Variants in AMPD3 observed in about 807,000 individuals in gnomAD.
The protein encoded by AMPD3 is AMP deaminase 3.
In AMPD3, 57 loss-of-function variants were observed where a neutral mutation model predicts 82.3. The observed-to-expected ratio is 0.69, with a 90% CI of 0.56 to 0.86. The LOEUF is 0.86. Among genes scored for constraint, AMPD3 ranks in the 40% least tolerant of loss-of-function variants. The probability of loss-of-function intolerance (pLI) is 0.00; values close to 1 mark genes in which losing one functional copy is unlikely to be tolerated. For synonymous variants in AMPD3, 381 were observed against 394.7 expected (o/e 0.97, Z 0.41); for missense variants, 870 against 1,003.8 (o/e 0.87, Z 1.80).
Position 10,466,955 on chromosome 11 carries a change from G to A in AMPD3, c.221+5215G>A, listed in dbSNP as rs73409936. On this transcript the variant is annotated intron_variant, in intron 2 of 14. Coordinates refer to ENST00000396553, the MANE Select transcript of AMPD3 (RefSeq NM_001025389.2). ...AGCAGAGGGGTCTGATTGTTAGGAG[G>A]AAATCTAACAAACAGAAAGGAATAG... Among the ~76,000 whole-genome samples, 1,048 of 152,286 alleles carry A rather than the reference G, an allele frequency of 6.9e-3. 16 individuals carry two copies. Among genetic ancestry groups the A allele is most frequent in the African/African-American group, 0.024 (978 of 41,558 alleles).
chr11:10,460,379 G>A (rs924196712), intron 1 of AMPD3, among the ~76,000 whole-genome samples: 17 of 150,422 alleles, frequency 1.1e-4, no homozygotes, highest in Middle Eastern at 3.5e-3. Flanking sequence ...TATTACAGGC[G>A]TGAGCCACCA....
chr11:10,451,827 T>C (rs929303789), upstream of AMPD3, among the ~76,000 whole-genome samples: 1 of 152,228 alleles, frequency 6.6e-6, no homozygotes, highest in South Asian at 2.1e-4. Flanking sequence ...AAAAGCTGCC[T>C]GCAGCTGGAA....
At chr11:10,462,084 C>T in intron 2 of AMPD3, among the ~76,000 whole-genome samples, 1 of 152,132 alleles carries the variant, frequency 6.6e-6, no homozygotes, top group East Asian at 1.9e-4. Context: ...TACTAATGAA[C>T]ACAGCTTACT....
chr11:10,451,622 A>T (rs1847965656), upstream of AMPD3, among the ~76,000 whole-genome samples: 1 of 152,130 alleles, frequency 6.6e-6, no homozygotes. Flanking sequence ...GAGTTTTGAG[A>T]GGCCTTGGAG....
At position 10,456,175 on chromosome 11, in the gene AMPD3, T is replaced by G. The variant is rs1848087218; in HGVS notation, c.-6+727T>G. The G allele has an allele frequency of 1.4e-6, 2 of 1,405,128 alleles. No homozygotes were observed. The highest frequency in any genetic ancestry group is 2.9e-5 in the African/African-American group (2 of 69,098). The allele number at this position is 1,405,128 out of a possible 1,614,324, so 87.0% of individuals were successfully genotyped here. On this transcript the variant is annotated intron_variant, in intron 1 of 14. Transcript: ENST00000396553. This position sits in a 1 kb window ranked among gnomAD's most constrained non-coding sequence, Gnocchi z 4.3. ...TTCAGGGCTCTTGGAAATTTTCCAC[T>G]CATATTTCATATTCACGAGAGAATT...
Position 10,493,384 on chromosome 11 carries a change from C to A in AMPD3, c.975C>A (p.Asn325Lys). The change falls in exon 7 of 15, where the codon AAC becomes AAA. Residue 325 changes from asparagine (N) to lysine (K), a missense_variant. Physicochemically the swap from Asn to Lys is moderately conservative, Grantham distance 94. Transcript: ENST00000396553. ...DTHIHAAACMNQKHLLRFIKH... is the reference protein window; with the variant it reads ...DTHIHAAACMKQKHLLRFIKH... ...ACATCCATGCGGCCGCCTGCATGAA[C>A]CAAAAGCATCTGCTGCGCTTCATCA... 1 of 1,614,216 alleles carries A rather than the reference C, an allele frequency of 6.2e-7. No homozygotes were observed. The highest frequency in any genetic ancestry group is 8.5e-7 in the Non-Finnish European group (1 of 1,180,046).
rs1849708853 is a variant in AMPD3, at chr11:10,506,114, C to T, written c.*230C>T. The T allele has an allele frequency of 6.3e-5, 37 of 586,384 alleles. No individual in the cohort carries two copies. The South Asian group carries it at 7.1e-4, about 11-fold the overall frequency. 36.3% of individuals were successfully genotyped at this position (586,384 alleles called of 1,614,324 possible). ...TCTCCTTGGGGATCTGGGAGCTGAG[C>T]ACTTGTCTATACTTGTTCCTAATTT... On this transcript the variant is annotated 3_prime_UTR_variant, in exon 15 of 15. Transcript: ENST00000396553. The surrounding 1 kb of genome is among the most constrained non-coding windows in gnomAD (Gnocchi z 4.1).
chr11:10,507,309 T>C lies in AMPD3; in HGVS notation c.*1425T>C, dbSNP rs1849735533. ...TTATTTGACTTTAGATTGTCTCATCTTGTGACTTTATAATGCCTGTCCCCT... is the reference window on the plus strand; with the variant it reads ...TTATTTGACTTTAGATTGTCTCATCCTGTGACTTTATAATGCCTGTCCCCT... On this transcript the variant is annotated 3_prime_UTR_variant, in exon 15 of 15. Transcript: ENST00000396553. 6.6e-6 allele frequency: 1 copy of C among 152,156 alleles called. No homozygotes were observed. The highest frequency in any genetic ancestry group is 1.5e-5 in the Non-Finnish European group (1 of 68,030). 9.4% of individuals were successfully genotyped at this position (152,156 alleles called of 1,614,324 possible). A position where few individuals can be genotyped will look rare whatever the true frequency, so the allele number is the denominator to read the frequency against.
At position 10,487,219 on chromosome 11, in the gene AMPD3, C is replaced by G; in HGVS notation, c.810-16C>G. 2 of 1,613,978 alleles carry G rather than the reference C, an allele frequency of 1.2e-6. No homozygotes were observed. Among genetic ancestry groups the G allele is most frequent in the Non-Finnish European group, 1.7e-6 (2 of 1,179,932 alleles). The stretch of plus-strand genomic sequence containing the variant: ...ATGCGACTCAACTATGGTCTCTCCC[C>G]ATCTCCAACTTGCAGGAAAACCTAT... On this transcript the variant is annotated splice_polypyrimidine_tract_variant and intron_variant, in intron 5 of 14. Coordinates refer to ENST00000396553, the MANE Select transcript of AMPD3 (RefSeq NM_001025389.2).
At chr11:10,480,129 A>C (rs1319104632) in intron 3 of AMPD3, among the ~76,000 whole-genome samples, 1 of 152,272 alleles carries the variant, frequency 6.6e-6, no homozygotes. Flanking sequence ...TGGTCCTCAG[A>C]AAGCTAAGTG....
intron 8 of AMPD3, 135 bp from the exon 9 acceptor site, chr11:10,495,435 G>A: frequency 3.2e-6 from 5 of 1,553,272 alleles, no homozygotes; most frequent in East Asian, 2.4e-5. Context: ...AGGCAGCCCT[G>A]GGGATTTAGA....
chr11:10,461,736 A>G lies in AMPD3; in HGVS notation c.217A>G (p.Lys73Glu). 1.2e-6 allele frequency: 2 copies of G among 1,608,680 alleles called. No individual in the cohort carries two copies. The highest frequency in any genetic ancestry group is 8.5e-7 in the Non-Finnish European group (1 of 1,177,254). ...AGAGCAGAAGTCTGTGGAGACCGCA[A>G]AAAGGTTTGTTCCCAAGGCATGGTT... ...LAEQKSVETA[K>E]RKKSFKMIRS... is the part of the protein sequence containing the mutation. Residue 73 changes from lysine to glutamate, a missense_variant, in exon 2 of 15, where the codon AAA (lysine) becomes GAA (glutamate). Transcript: ENST00000396553.
At chr11:10,496,272 A>G (rs1250652571) in intron 9 of AMPD3, 2 of 985,258 alleles carry the variant, frequency 2.0e-6, no homozygotes, top group East Asian at 2.3e-4. Flanking sequence ...TGGGGGAACT[A>G]CTACCCCCGC....
chr11:10,474,181 G>A (rs1376613243), intron 2 of AMPD3, among the ~76,000 whole-genome samples: 1 of 152,178 alleles, frequency 6.6e-6, no homozygotes, highest in African/African-American at 2.4e-5. Context: ...TCGGCCCCTG[G>A]AGGCGGGAGT....
chr11:10,495,333 G>T, intron 8 of AMPD3: 1 of 985,478 alleles, frequency 1.0e-6, no homozygotes, highest in Non-Finnish European at 1.2e-6. Context: ...GCTCCGTGTG[G>T]AGATGCTTCT....
chr11:10,491,151 G>A (rs1849230248), intron 6 of AMPD3, among the ~76,000 whole-genome samples: 1 of 152,220 alleles, frequency 6.6e-6, no homozygotes, highest in South Asian at 2.1e-4. Flanking sequence ...CCAGTCGGCC[G>A]CAGCAGTAGC....
chr11:10,493,145 G>A (rs1849286560), intron 6 of AMPD3, among the ~76,000 whole-genome samples: 1 of 152,234 alleles, frequency 6.6e-6, no homozygotes, highest in Admixed American at 6.5e-5. Context: ...CTGTAAGGAG[G>A]TGGAATGCGC....
chr11:10,500,268 C>T lies in AMPD3; in HGVS notation c.1721+19C>T, dbSNP rs201436119. 932 of 1,614,040 alleles carry T rather than the reference C, an allele frequency of 5.8e-4. 4 individuals carry two copies. The African/African-American group carries it at 8.8e-3, about 15-fold the overall frequency. ...TCCGCAGGTGCGTGAGGCCTGCCCT[C>T]GCACATGCTTGGGTTCATGTGTTAG... is the stretch of plus-strand genomic sequence containing the variant. On this transcript the variant is annotated intron_variant, in intron 11 of 14. Transcript: ENST00000396553.
chr11:10,496,402 C>T (rs867809872), intron 9 of AMPD3: 3 of 985,416 alleles, frequency 3.0e-6, no homozygotes, highest in Non-Finnish European at 2.4e-6. Context: ...GGCTGCTGTC[C>T]TCTCCAGGCG....
Sources: gnomAD v4.1 joint callset for allele counts (sites outside exome capture counted in the v4.1 genomes callset) on GRCh38, gnomAD v4.1.1 for gene constraint, Gnocchi (gnomAD v3.1) non-coding constraint, MANE v1.5 for transcripts, NCBI Gene and HGNC (gene_info 2026-07-23, HGNC 2026-07-21) for gene names.